XRCC1: variants seen among roughly 807,000 people sequenced by gnomAD.
The protein encoded by XRCC1 is DNA repair protein XRCC1.
In XRCC1, 52 loss-of-function variants were observed where a neutral mutation model predicts 83.3. The observed-to-expected ratio is 0.62, with a 90% CI of 0.50 to 0.79. The LOEUF is 0.79. XRCC1 is among the 30% of genes least tolerant of loss of function. The pLI is 0.00. For missense variants in XRCC1, 793 were observed against 823.5 expected, an observed-to-expected ratio of 0.96 and a Z score of 0.45; for synonymous variants, 281 against 312.6, an observed-to-expected ratio of 0.90 and a Z score of 1.07.
At chr19:43,544,065 C>A in intron 15 of XRCC1, 79 bp downstream of exon 15, 1 of 1,353,668 alleles carries the variant, frequency 7.4e-7, no homozygotes, top group Non-Finnish European at 1.0e-6. Context: ...CTTTCCCACA[C>A]CCCCACCCCT....
rs2146052652 is a variant in XRCC1, at chr19:43,553,494, G to A, written c.508C>T (p.Leu170Phe). The A allele has an allele frequency of 3.7e-6, 6 of 1,614,176 alleles. No individual in the cohort carries two copies. In the South Asian group the frequency reaches 5.5e-5, roughly 15 times the overall value. The change falls in exon 6 of 17, where the codon CTT (leucine) becomes TTT (phenylalanine). Residue 170 changes from leucine (L) to phenylalanine (F), a missense_variant. Coordinates refer to ENST00000262887, the MANE Select transcript of XRCC1 (RefSeq NM_006297.3). ...TCCTCCTTCACACGGAACTGGCCAA[G>A]CTTGGTCACTGTCACCTTCTAAGGT... ...APSQKVTVTK[L>F]GQFRVKEEDE...
chr19:43,567,289 G>A (rs1972763334), intron 2 of XRCC1, among the ~76,000 whole-genome samples: 1 of 148,834 alleles, frequency 6.7e-6, no homozygotes, highest in Non-Finnish European at 1.5e-5. Flanking sequence ...AAAAAACCCT[G>A]AAATGTGCAC....
chr19:43,544,930 G>T (rs1258202763), intron 14 of XRCC1, among the ~76,000 whole-genome samples: 3 of 152,172 alleles, frequency 2.0e-5, no homozygotes, highest in African/African-American at 7.2e-5. Flanking sequence ...AGTACGGGGT[G>T]AGCCACCACG....
At chr19:43,550,512 A>T (rs1972564552) in intron 10 of XRCC1, among the ~76,000 whole-genome samples, 1 of 152,104 alleles carries the variant, frequency 6.6e-6, no homozygotes, top group Admixed American at 6.6e-5. Flanking sequence ...CCCCCAAGGC[A>T]AATAATTTCT....
rs55742768 is a variant in XRCC1, at chr19:43,575,499, G to C, written c.-41C>G. On this transcript the variant is annotated 5_prime_UTR_variant, in exon 1 of 17. Coordinates refer to ENST00000262887, the MANE Select transcript of XRCC1 (RefSeq NM_006297.3). ...TTCGCCTGGCCAGAAGGATGAGGTA[G>C]AGTATGGGGTCCGAGGGGCAGGGAG... The C allele has an allele frequency of 5.0e-6, 8 of 1,605,586 alleles. No homozygotes were observed. The East Asian group carries it at 1.3e-4, about 27-fold the overall frequency.
At position 43,546,869 on chromosome 19, in the gene XRCC1, C is replaced by T; in HGVS notation, c.1293+15G>A. On this transcript the variant is annotated intron_variant, in intron 11 of 16. Transcript: ENST00000262887. Reference sequence around the variant, plus strand: ...TCCCACTACACCCTCCCCCACTGGACAGGGGGCATCAGACCTTCTGAGGAA... The same window carrying T: ...TCCCACTACACCCTCCCCCACTGGATAGGGGGCATCAGACCTTCTGAGGAA... 1 of 1,613,510 alleles carries T rather than the reference C, an allele frequency of 6.2e-7. No individual in the cohort carries two copies.
intron 10 of XRCC1, among the ~76,000 whole-genome samples, chr19:43,550,611 G>GAGCT (rs1972565319): frequency 6.6e-6 from 1 of 152,148 alleles, no homozygotes; most frequent in Non-Finnish European, 1.5e-5. Flanking sequence ...CCTCAGATAT[G>GAGCT]AGCTAGCCTT....
chr19:43,551,878 A>G (rs1972579424), intron 9 of XRCC1, 139 bp downstream of exon 9: 4 of 1,124,220 alleles, frequency 3.6e-6, no homozygotes, highest in Non-Finnish European at 5.2e-6. Context: ...CAAAGGCTAC[A>G]GAATGCAGTG....
chr19:43,543,427 G>A lies in XRCC1; in HGVS notation c.1867C>T (p.Pro623Ser). ...GGCACCACCCCATAGAGCTGGTGAG[G>A]AAGTAACTTCTGCTTCTCATTGCAA... is the stretch of plus-strand genomic sequence containing the variant. ...YSCNEKQKLL[P>S]HQLYGVVPQA is the part of the protein sequence containing the mutation. The change falls in exon 17 of 17, where the codon CCT becomes TCT. Residue 623 changes from proline (P) to serine (S), a missense_variant. Pro to Ser is a moderately conservative substitution (Grantham distance 74). Transcript: ENST00000262887. 1 of 1,611,842 alleles carries A rather than the reference G, an allele frequency of 6.2e-7. No homozygotes were observed. Among genetic ancestry groups the A allele is most frequent in the Non-Finnish European group, 8.5e-7 (1 of 1,179,666 alleles).
At chr19:43,563,214 T>C (rs189347598) in intron 2 of XRCC1, among the ~76,000 whole-genome samples, 3 of 152,194 alleles carry the variant, frequency 2.0e-5, no homozygotes, top group African/African-American at 7.2e-5. Flanking sequence ...GGGCCAGGTG[T>C]GGTGGCTCAC....
At position 43,553,400 on chromosome 19, in the gene XRCC1, C is replaced by G. The variant is rs2146052230; in HGVS notation, c.601+1G>C. ...TCAGGACCCACGTTGTCCGAGCTCA[C>G]CTGGGGATGTCTTGTTGATCCGGCT... On this transcript the variant is annotated splice_donor_variant, in intron 6 of 16. Transcript: ENST00000262887. LOFTEE classifies it high-confidence loss of function. The G allele has an allele frequency of 6.2e-7, 1 of 1,614,138 alleles. No homozygotes were observed. The highest frequency in any genetic ancestry group is 8.5e-7 in the Non-Finnish European group (1 of 1,180,012).
Position 43,543,472 on chromosome 19 carries a change from G to A in XRCC1, c.1822C>T (p.Arg608Cys), listed in dbSNP as rs199876205. 33 of 1,613,674 alleles carry A rather than the reference G, an allele frequency of 2.0e-5. 1 individual carries two copies. In the South Asian group the frequency reaches 2.6e-4, roughly 13 times the overall value. ...LMDNPSLAFV[R>C]PRWIYSCNEK... ...TTGCAACTGTAGATCCATCGGGGAC[G>A]AACGAATGCCAGGGAGGGGTTGTCC... Residue 608 changes from arginine (R) to cysteine (C), a missense_variant, in exon 17 of 17, where the codon CGT becomes TGT. By Grantham distance (180) the Arg-to-Cys change is radical. Transcript: ENST00000262887.
At chr19:43,543,826 C>A (rs1162187770) in intron 15 of XRCC1, 139 bp from the exon 16 acceptor site, 3 of 736,660 alleles carry the variant, frequency 4.1e-6, no homozygotes, top group Non-Finnish European at 6.7e-6. Flanking sequence ...TCCATTCTTT[C>A]ATGTATCCAT....
At chr19:43,551,540 T>A in intron 10 of XRCC1, 31 bp downstream of exon 10, 1 of 1,578,480 alleles carries the variant, frequency 6.3e-7, no homozygotes, top group Non-Finnish European at 8.7e-7. Context: ...CAGCACAGGA[T>A]AAGGAGCAGG....
At chr19:43,552,328 G>GTGGTGCTAA in intron 8 of XRCC1, 53 bp from the exon 9 acceptor site, 1 of 1,370,590 alleles carries the variant, frequency 7.3e-7, no homozygotes, top group Non-Finnish European at 1.0e-6. Flanking sequence ...TCAACCCCCA[G>GTGGTGCTAA]CCCCTCCTCC....
In XRCC1 at chr19:43,544,125, C is replaced by T; in HGVS notation, c.1712+19G>A. The stretch of plus-strand genomic sequence containing the variant: ...TTGGATCCATCACCCCTTCCCCACC[C>T]CAGTCCCTGGAGACTCACCCATTGA... On this transcript the variant is annotated intron_variant, in intron 15 of 16. Coordinates refer to ENST00000262887, the MANE Select transcript of XRCC1 (RefSeq NM_006297.3). The T allele has an allele frequency of 1.3e-6, 2 of 1,591,926 alleles. No individual in the cohort carries two copies. Among genetic ancestry groups the T allele is most frequent in the South Asian group, 2.3e-5 (2 of 87,918 alleles).
intron 2 of XRCC1, among the ~76,000 whole-genome samples, chr19:43,565,340 G>C (rs1209577245): frequency 6.6e-6 from 1 of 152,186 alleles, no homozygotes; most frequent in African/African-American, 2.4e-5. Context: ...TTTCACAGAT[G>C]GGGAAACTGA....
At chr19:43,559,333 A>AAAAAAG (rs1972672581) in intron 3 of XRCC1, among the ~76,000 whole-genome samples, 1 of 151,178 alleles carries the variant, frequency 6.6e-6, no homozygotes, top group African/African-American at 2.4e-5. Context: ...AATACAAAAA[A>AAAAAAG]TTAGCCGGGC....
At chr19:43,547,226 C>T (rs73554696) in intron 10 of XRCC1, among the ~76,000 whole-genome samples, 4,126 of 151,564 alleles carry the variant, frequency 0.027, 93 homozygotes, top group African/African-American at 0.063. Flanking sequence ...TCCATTCCAT[C>T]GCCAGGCTGG....
Sources: gnomAD v4.1 joint callset for allele counts (sites outside exome capture counted in the v4.1 genomes callset) on GRCh38, gnomAD v4.1.1 for gene constraint, MANE v1.5 for transcripts, NCBI Gene and HGNC (gene_info 2026-07-23, HGNC 2026-07-21) for gene names.